RUVBL1: variants seen among roughly 807,000 people sequenced by gnomAD.
RUVBL1 encodes the protein ruvB-like 1.
In RUVBL1, 4 loss-of-function variants were observed where a neutral mutation model predicts 52.4. The observed-to-expected ratio is 0.08, with a 90% CI of 0.04 to 0.17. The LOEUF (loss-of-function observed/expected upper bound fraction) is 0.17. Ranked by LOEUF, RUVBL1 falls within the 10% of genes least tolerant of loss-of-function variation. RUVBL1 has a pLI of 1.00. For synonymous variants in RUVBL1, 217 were observed against 214.4 expected (o/e 1.01, Z -0.10); for missense variants, 298 against 572.8 (o/e 0.52, Z 4.90).
upstream of RUVBL1, chr3:128,123,981 G>A: frequency 1.1e-6 from 1 of 920,090 alleles, no homozygotes; most frequent in Non-Finnish European, 1.3e-6. Flanking sequence ...GGCGCTTCCT[G>A]CCGAGGCTGG....
chr3:128,081,351 T>C lies in RUVBL1; in HGVS notation c.1270A>G (p.Ser424Gly). The C allele has an allele frequency of 6.2e-7, 1 of 1,614,222 alleles. No individual in the cohort carries two copies. The highest frequency in any genetic ancestry group is 8.5e-7 in the Non-Finnish European group (1 of 1,180,008). ...NLLAKINGKD[S>G]IEKEHVEEIS... Reference sequence around the variant, plus strand: ...TCTTCGACATGCTCTTTCTCAATGCTGTCCTTCCCGTTGATTTTAGCAAGC... The same window carrying C: ...TCTTCGACATGCTCTTTCTCAATGCCGTCCTTCCCGTTGATTTTAGCAAGC... Residue 424 changes from serine to glycine, a missense_variant, in exon 11 of 11, where the codon AGC becomes GGC. Ser to Gly is a moderately conservative substitution (Grantham distance 56). This residue lies in a region of RUVBL1 where 161 missense variants were observed against 298.3 expected (regional missense o/e 0.54). Transcript: ENST00000322623. The surrounding 1 kb of genome is among the most constrained non-coding windows in gnomAD (Gnocchi z 4.8).
chr3:128,111,141 C>T (rs1943382773), intron 3 of RUVBL1, among the ~76,000 whole-genome samples: 1 of 151,300 alleles, frequency 6.6e-6, no homozygotes, highest in Non-Finnish European at 1.5e-5. Flanking sequence ...ACGAGAATCG[C>T]TTGAACCCAG....
intron 6 of RUVBL1, among the ~76,000 whole-genome samples, chr3:128,100,275 C>T (rs1033097321): frequency 5.3e-5 from 8 of 152,174 alleles, no homozygotes; most frequent in African/African-American, 1.9e-4. Flanking sequence ...AACACTCCTG[C>T]CCTCCTGCCA....
chr3:128,066,983 G>T (rs776717459), intron 9 of RUVBL1: 1 of 1,614,144 alleles, frequency 6.2e-7, no homozygotes, highest in East Asian at 2.2e-5. Flanking sequence ...CAATCAAGTC[G>T]GCCCGCTACC....
At chr3:128,130,808 G>A (rs750073274) in intron 1 of RUVBL1, among the ~76,000 whole-genome samples, 2 of 151,566 alleles carry the variant, frequency 1.3e-5, no homozygotes, top group African/African-American at 2.4e-5. Flanking sequence ...CTGCCACCAC[G>A]CCTGGCTATT....
chr3:128,068,142 A>G (rs1258532487), intron 9 of RUVBL1: 2 of 978,196 alleles, frequency 2.0e-6, no homozygotes, highest in African/African-American at 1.6e-5. Context: ...GATAGGCCCT[A>G]GCACTTACTG....
At chr3:128,075,400 C>T (rs1370457549) in intron 9 of RUVBL1, among the ~76,000 whole-genome samples, 1 of 152,200 alleles carries the variant, frequency 6.6e-6, no homozygotes. Context: ...GAACAGGAGG[C>T]AGGGGGCAGG....
chr3:128,123,373 G>A (rs1943701371), intron 1 of RUVBL1, among the ~76,000 whole-genome samples: 1 of 152,172 alleles, frequency 6.6e-6, no homozygotes, highest in Non-Finnish European at 1.5e-5. Context: ...ACTGCCCCCA[G>A]TGGATCGTCA....
intron 1 of RUVBL1, among the ~76,000 whole-genome samples, chr3:128,133,643 A>G (rs1438822906): frequency 1.3e-5 from 2 of 152,266 alleles, no homozygotes; most frequent in African/African-American, 4.8e-5. Context: ...CCACCAAGGT[A>G]GCACCTCTAT....
chr3:128,090,444 G>A (rs1029217319), intron 8 of RUVBL1, among the ~76,000 whole-genome samples: 11 of 152,052 alleles, frequency 7.2e-5, no homozygotes, highest in East Asian at 3.9e-4. Context: ...GCGTGAACCC[G>A]GGAGGCGGAG....
At chr3:128,099,402 A>T (rs758595516) in intron 6 of RUVBL1, among the ~76,000 whole-genome samples, 1 of 152,238 alleles carries the variant, frequency 6.6e-6, no homozygotes, top group Non-Finnish European at 1.5e-5. Flanking sequence ...GACTTCCTCC[A>T]AATGTTCCTG....
At position 128,065,322 on chromosome 3, in the gene RUVBL1, G is replaced by C. The variant is rs1941933437; in HGVS notation, c.940-102C>G. On this transcript the variant is annotated intron_variant, in intron 9 of 9. Coordinates refer to the RUVBL1 transcript ENST00000464873. ...GGTAAGATACATTTTTAAGTTCTTA[G>C]TTCAAGAGAAGCAAAAAGTACTCTA... The C allele has an allele frequency of 5.1e-6, 3 of 589,714 alleles. No homozygotes were observed. In the South Asian group the frequency reaches 6.3e-5, roughly 12 times the overall value. The allele number at this position is 589,714 out of a possible 1,614,324, so 36.5% of individuals were successfully genotyped here. A position where few individuals can be genotyped will look rare whatever the true frequency, so the allele number is the denominator to read the frequency against.
chr3:128,079,242 C>T (rs759724294), downstream of RUVBL1, among the ~76,000 whole-genome samples: 5 of 152,252 alleles, frequency 3.3e-5, no homozygotes, highest in Non-Finnish European at 5.9e-5. Flanking sequence ...GCTTCCTTCA[C>T]CTGGCTGGTA....
intron 1 of RUVBL1, among the ~76,000 whole-genome samples, chr3:128,130,291 A>G (rs2107727823): frequency 6.6e-6 from 1 of 152,264 alleles, no homozygotes; most frequent in Admixed American, 6.5e-5. Flanking sequence ...AATCTGGATG[A>G]AATAGACAAA....
chr3:128,153,311 C>G, exon 1 of RUVBL1: 1 of 1,367,008 alleles, frequency 7.3e-7, no homozygotes, highest in South Asian at 1.7e-5. Context: ...CTACGGTGAC[C>G]TCCAGTTCCT....
intron 9 of RUVBL1, chr3:128,066,758 C>G: frequency 1.7e-6 from 1 of 590,168 alleles, no homozygotes; most frequent in South Asian, 2.1e-5. Context: ...TTCTGGGCCC[C>G]TTCTGGATGT....
intron 9 of RUVBL1, chr3:128,069,590 C>T: frequency 1.9e-6 from 3 of 1,614,174 alleles, no homozygotes; most frequent in African/African-American, 1.3e-5. Context: ...CAGTCACAAT[C>T]ATCTACCAGT....
At chr3:128,064,856 T>G in exon 10 of RUVBL1, 2 of 1,568,498 alleles carry the variant, frequency 1.3e-6, no homozygotes, top group Non-Finnish European at 1.7e-6. Flanking sequence ...CCTTCATATA[T>G]GTCTCCTCCT....
upstream of RUVBL1, among the ~76,000 whole-genome samples, chr3:128,126,476 G>A (rs1943794813): frequency 2.0e-5 from 3 of 151,990 alleles, no homozygotes; most frequent in Admixed American, 2.0e-4. Flanking sequence ...AACTCAGGAG[G>A]TGGAGGTTGC....
Sources: gnomAD v4.1 joint callset for allele counts (sites outside exome capture counted in the v4.1 genomes callset) on GRCh38, gnomAD v4.1.1 for gene constraint, gnomAD v4.1.1 regional missense constraint, Gnocchi (gnomAD v3.1) non-coding constraint, MANE v1.5 for transcripts, NCBI Gene and HGNC (gene_info 2026-07-23, HGNC 2026-07-21) for gene names.